PPP1R21: variants seen among roughly 807,000 people sequenced by gnomAD.
PPP1R21 encodes protein phosphatase 1 regulatory subunit 21, also known as KLRAQ motif containing 1.
In PPP1R21, 85 loss-of-function variants were observed where a neutral mutation model predicts 112.8. The ratio of observed to expected loss-of-function variants is 0.75; its 90% CI spans 0.63 to 0.90. The LOEUF is 0.90. Among genes scored for constraint, PPP1R21 ranks in the 40% least tolerant of loss-of-function variants. The pLI is 0.00. For synonymous variants in PPP1R21, 381 were observed against 322.3 expected (o/e 1.18, Z -1.95); for missense variants, 1,199 against 901.5 (o/e 1.33, Z -4.23).
In PPP1R21 at chr2:48,475,940, T is replaced by A. The variant is rs552485587; in HGVS notation, c.1225+1121T>A. ...ATTTTTCTGGTACTATGGTTTTTTT[T>A]AACAGCATTATTGTATAATTTATAT... On this transcript the variant is annotated intron_variant, in intron 12 of 21. Coordinates refer to ENST00000294952, the MANE Select transcript of PPP1R21 (RefSeq NM_001135629.3). 6.6e-5 allele frequency among the ~76,000 whole-genome samples: 10 copies of A among 152,336 alleles called. No individual in the cohort carries two copies. In the South Asian group the frequency reaches 8.3e-4, roughly 13 times the overall value.
chr2:48,467,376 G>A (rs191920136), intron 9 of PPP1R21, among the ~76,000 whole-genome samples: 220 of 152,216 alleles, frequency 1.4e-3, no homozygotes, highest in African/African-American at 5.0e-3. Context: ...GCTATGTATT[G>A]CTATGTAATA....
chr2:48,509,266 TGTG>T (rs1419985867), intron 19 of PPP1R21, among the ~76,000 whole-genome samples: 1 of 152,198 alleles, frequency 6.6e-6, no homozygotes, highest in African/African-American at 2.4e-5. Context: ...GCTCCTATAA[TGTG>T]GTCTCTAATG....
intron 1 of PPP1R21, among the ~76,000 whole-genome samples, chr2:48,444,378 C>G (rs145262290): frequency 3.6e-4 from 55 of 152,262 alleles, no homozygotes; most frequent in African/African-American, 1.1e-3. Flanking sequence ...TAATCAAGAC[C>G]TCAGTTGCTA....
chr2:48,444,796 C>A (rs1282341086), intron 1 of PPP1R21, among the ~76,000 whole-genome samples: 1 of 151,692 alleles, frequency 6.6e-6, no homozygotes, highest in Non-Finnish European at 1.5e-5. Context: ...ATTTGAAAAT[C>A]ATTGATCAAG....
At chr2:48,479,874 G>A (rs759703503) in intron 12 of PPP1R21, 50 bp from the exon 13 acceptor site, 10 of 1,079,754 alleles carry the variant, frequency 9.3e-6, no homozygotes, top group Middle Eastern at 2.0e-4. Flanking sequence ...GATACAATGG[G>A]CAGTCCATTT....
At chr2:48,474,964 A>G (rs1668685254) in intron 12 of PPP1R21, 145 bp downstream of exon 12, 1 of 643,256 alleles carries the variant, frequency 1.6e-6, no homozygotes, top group East Asian at 2.9e-5. Flanking sequence ...CTAGCCCCTT[A>G]TACATTTATG....
chr2:48,453,505 A>G (rs1667574754), intron 2 of PPP1R21, among the ~76,000 whole-genome samples: 1 of 152,220 alleles, frequency 6.6e-6, no homozygotes, highest in Non-Finnish European at 1.5e-5. Flanking sequence ...TTCTTTAAAT[A>G]TACAGTATTA....
intron 1 of PPP1R21, among the ~76,000 whole-genome samples, chr2:48,447,872 C>A (rs1270875380): frequency 6.6e-6 from 1 of 152,054 alleles, no homozygotes; most frequent in Non-Finnish European, 1.5e-5. Context: ...ATCGCTTGAA[C>A]CCGAGAGGTG....
chr2:48,509,675 A>C (rs944292314), intron 19 of PPP1R21, among the ~76,000 whole-genome samples: 1 of 152,130 alleles, frequency 6.6e-6, no homozygotes, highest in Non-Finnish European at 1.5e-5. Flanking sequence ...ACTGCACCCC[A>C]GCCTGGGCAA....
At chr2:48,460,275 T>G in intron 6 of PPP1R21, 122 bp downstream of exon 6, 1 of 937,736 alleles carries the variant, frequency 1.1e-6, no homozygotes, top group African/African-American at 1.7e-5. Flanking sequence ...GGGAGTAATC[T>G]ACAGGGTCCT....
intron 2 of PPP1R21, among the ~76,000 whole-genome samples, chr2:48,452,556 A>AT (rs919779609): frequency 6.0e-4 from 88 of 146,448 alleles, no homozygotes; most frequent in East Asian, 1.4e-3. Flanking sequence ...AAAATAAATT[A>AT]TTTTTTTTTT....
intron 17 of PPP1R21, among the ~76,000 whole-genome samples, chr2:48,504,654 CAAAA>C (rs199528225): frequency 6.7e-6 from 1 of 148,746 alleles, no homozygotes; most frequent in Non-Finnish European, 1.5e-5. Flanking sequence ...AACAAACAAA[CAAAA>C]AAAAACTGTT....
chr2:48,471,424 C>T, intron 11 of PPP1R21, 57 bp downstream of exon 11: 1 of 1,487,160 alleles, frequency 6.7e-7, no homozygotes, highest in South Asian at 1.4e-5. Flanking sequence ...CCTGATCTGG[C>T]TGGCGTTAAT....
intron 12 of PPP1R21, among the ~76,000 whole-genome samples, chr2:48,478,143 C>T (rs545128162): frequency 6.6e-6 from 1 of 152,296 alleles, no homozygotes; most frequent in African/African-American, 2.4e-5. Context: ...AGAATTCTCC[C>T]TTAGGGCCTT....
intron 7 of PPP1R21, among the ~76,000 whole-genome samples, chr2:48,463,814 A>T (rs1668082743): frequency 6.6e-6 from 1 of 151,858 alleles, no homozygotes; most frequent in South Asian, 2.1e-4. Context: ...ATATGCAAGC[A>T]GTAGACCGAG....
chr2:48,486,103 G>A (rs1248097507), intron 13 of PPP1R21, among the ~76,000 whole-genome samples: 1 of 151,818 alleles, frequency 6.6e-6, no homozygotes, highest in East Asian at 1.9e-4. Flanking sequence ...TGCATAGGAA[G>A]TCAGGCACTG....
chr2:48,474,402 A>G (rs901033683), intron 11 of PPP1R21, among the ~76,000 whole-genome samples: 3 of 152,214 alleles, frequency 2.0e-5, no homozygotes, highest in African/African-American at 7.2e-5. Context: ...GAAAAAGAAC[A>G]TTAGAAATAT....
chr2:48,479,849 T>C (rs1668927680), intron 12 of PPP1R21, 75 bp from the exon 13 acceptor site: 2 of 908,352 alleles, frequency 2.2e-6, no homozygotes, highest in Non-Finnish European at 1.8e-6. Flanking sequence ...TTCTCTATCT[T>C]CCCAAAAGTA....
At position 48,474,722 on chromosome 2, in the gene PPP1R21, G is replaced by T. The variant is rs749804909; in HGVS notation, c.1128G>T (p.Ala376=). 3.1e-6 allele frequency: 5 copies of T among 1,613,106 alleles called. No individual in the cohort carries two copies. In the African/African-American group the frequency reaches 5.3e-5, roughly 17 times the overall value. The change falls in exon 12 of 22, where the codon GCG becomes GCT. Residue 376 remains alanine, a synonymous_variant. Transcript: ENST00000294952. ...GTGAATCCTCTCTTTGCACATCTGC[G>T]TTAAGAGCCAGGAATCTAGAGCTGT... ...EECESSLCTS[A]LRARNLELSQ...
Sources: allele counts gnomAD v4.1 joint callset (sites outside exome capture counted in the v4.1 genomes callset), GRCh38; gene constraint gnomAD v4.1.1; transcripts MANE v1.5; gene names NCBI Gene and HGNC (gene_info 2026-07-23, HGNC 2026-07-21).